GRM1: variants seen among roughly 807,000 people sequenced by gnomAD.
GRM1 encodes glutamate metabotropic receptor 1, also known as metabotropic glutamate receptor 1.
GRM1 carries 33 observed loss-of-function variants against 90.9 expected under a neutral mutation model. The ratio of observed to expected loss-of-function variants is 0.36; its 90% confidence interval spans 0.28 to 0.49. The LOEUF (loss-of-function observed/expected upper bound fraction) is 0.49, where lower values mean the gene tolerates loss of function less well. GRM1 is among the 20% of genes least tolerant of loss of function. GRM1 has a pLI of 0.99. For missense variants in GRM1, 1,190 were observed against 1,534.3 expected, an observed-to-expected ratio of 0.78 and a Z score of 3.75; for synonymous variants, 700 against 613.2, an observed-to-expected ratio of 1.14 and a Z score of -2.09.
At chr6:146,328,969 C>T (rs189259335) in intron 3 of GRM1, among the ~76,000 whole-genome samples, 256 of 152,308 alleles carry the variant, frequency 1.7e-3, no homozygotes, top group Non-Finnish European at 2.4e-3. Context: ...GGCAGCCTGA[C>T]CTGTCCATCT....
chr6:146,293,519 AT>A (rs915255503), intron 2 of GRM1, among the ~76,000 whole-genome samples: 6 of 151,946 alleles, frequency 3.9e-5, no homozygotes, highest in Non-Finnish European at 8.8e-5. Flanking sequence ...GACTTTATAT[AT>A]TTTTTACAAC....
At chr6:146,216,017 A>G (rs2114661386) in intron 2 of GRM1, among the ~76,000 whole-genome samples, 1 of 152,328 alleles carries the variant, frequency 6.6e-6, no homozygotes, top group Non-Finnish European at 1.5e-5. Flanking sequence ...TCAACCTCCC[A>G]AAGTGCTGGG....
chr6:146,244,145 CA>C (rs1193631847), intron 2 of GRM1, among the ~76,000 whole-genome samples: 4 of 152,016 alleles, frequency 2.6e-5, no homozygotes, highest in Admixed American at 2.6e-4. Context: ...GCAGTTAACA[CA>C]ATCATCACAG....
intron 3 of GRM1, among the ~76,000 whole-genome samples, chr6:146,308,237 C>T (rs1016149438): frequency 2.2e-4 from 33 of 152,220 alleles, no homozygotes; most frequent in African/African-American, 7.7e-4. Flanking sequence ...ATGTATCAGC[C>T]GCACGACTTG....
At chr6:146,242,659 A>G (rs974039768) in intron 2 of GRM1, among the ~76,000 whole-genome samples, 21 of 152,048 alleles carry the variant, frequency 1.4e-4, no homozygotes, top group African/African-American at 5.1e-4. Flanking sequence ...TTCTCTATTC[A>G]TTACCTGAGA....
chr6:146,287,402 G>A (rs749042989), intron 2 of GRM1, among the ~76,000 whole-genome samples: 4 of 152,076 alleles, frequency 2.6e-5, no homozygotes, highest in African/African-American at 7.2e-5. Context: ...ATTTAGGAGG[G>A]TCTTAAGGTA....
intron 3 of GRM1, among the ~76,000 whole-genome samples, chr6:146,345,932 G>A (rs998520176): frequency 2.6e-5 from 4 of 152,138 alleles, no homozygotes; most frequent in African/African-American, 2.4e-5. Flanking sequence ...TAGTTACTTC[G>A]GGGGAGTGGT....
At chr6:146,315,073 C>T (rs1406123949) in intron 3 of GRM1, among the ~76,000 whole-genome samples, 1 of 152,086 alleles carries the variant, frequency 6.6e-6, no homozygotes, top group Non-Finnish European at 1.5e-5. Context: ...CAGTAATGCA[C>T]TGGGGAGTTA....
At chr6:146,386,754 G>A (rs1422494486) in intron 5 of GRM1, 136 bp from the exon 6 acceptor site, 2 of 677,862 alleles carry the variant, frequency 3.0e-6, no homozygotes, top group Admixed American at 2.4e-5. Context: ...ACATTCTTAA[G>A]ATTCCTCAGC....
intron 1 of GRM1, among the ~76,000 whole-genome samples, chr6:146,115,687 A>G (rs1299112501): frequency 6.6e-6 from 1 of 152,054 alleles, no homozygotes; most frequent in Non-Finnish European, 1.5e-5. Flanking sequence ...CAAATTTGCT[A>G]CTCCAATTGT....
chr6:146,132,328 G>C (rs552166987), intron 1 of GRM1, among the ~76,000 whole-genome samples: 13 of 152,218 alleles, frequency 8.5e-5, no homozygotes, highest in Admixed American at 5.9e-4. Flanking sequence ...GTCAAGGAGC[G>C]AGCCAATGAA....
rs561420082 is a variant in GRM1, at chr6:146,124,491, A to G, written c.701-34857A>G. ...TATCCTTTTAGAGACAATGATCACT[A>G]CAATACATTAATAAATGTGTATATG... is the stretch of plus-strand genomic sequence containing the variant. On this transcript the variant is annotated intron_variant, in intron 1 of 7. Coordinates refer to ENST00000282753, the MANE Select transcript of GRM1 (RefSeq NM_001278064.2). Among the ~76,000 whole-genome samples the G allele has an allele frequency of 8.5e-5, 13 of 152,272 alleles. No individual in the cohort carries two copies. In the East Asian group the frequency reaches 2.5e-3, roughly 29 times the overall value.
chr6:146,084,438 C>A (rs938871254), intron 1 of GRM1, among the ~76,000 whole-genome samples: 1 of 151,968 alleles, frequency 6.6e-6, no homozygotes. Flanking sequence ...TATGTTGTGT[C>A]TTCGTTCTCG....
At chr6:146,033,888 T>C (rs749654891) in intron 1 of GRM1, among the ~76,000 whole-genome samples, 3 of 152,118 alleles carry the variant, frequency 2.0e-5, no homozygotes, top group Non-Finnish European at 4.4e-5. Context: ...GTAATAATTT[T>C]ATATCTACTA....
At chr6:146,277,397 C>T (rs984054468) in intron 2 of GRM1, among the ~76,000 whole-genome samples, 17 of 152,092 alleles carry the variant, frequency 1.1e-4, no homozygotes, top group African/African-American at 2.9e-4. Context: ...CACCCAGCAC[C>T]GGTTAGATCA....
intron 7 of GRM1, among the ~76,000 whole-genome samples, chr6:146,424,458 C>G (rs114212836): frequency 0.036 from 5,448 of 152,320 alleles, 337 homozygotes; most frequent in African/African-American, 0.12. Context: ...TCCAGAAAGG[C>G]AGGGAGGCTG....
At chr6:146,043,534 T>A (rs941321492) in intron 1 of GRM1, among the ~76,000 whole-genome samples, 2 of 151,770 alleles carry the variant, frequency 1.3e-5, no homozygotes, top group Non-Finnish European at 2.9e-5. Context: ...TAGATTTAAA[T>A]GTTATGATAG....
chr6:146,170,703 G>A (rs1778087266), intron 2 of GRM1, among the ~76,000 whole-genome samples: 1 of 151,436 alleles, frequency 6.6e-6, no homozygotes, highest in Non-Finnish European at 1.5e-5. Context: ...TTTAAGCATA[G>A]TTTCCTTAGT....
intron 1 of GRM1, among the ~76,000 whole-genome samples, chr6:146,131,757 A>G (rs1244224114): frequency 6.6e-6 from 1 of 152,206 alleles, no homozygotes; most frequent in Non-Finnish European, 1.5e-5. Context: ...TATCTTTAGA[A>G]AGTGCACACA....
Sources: gnomAD v4.1 joint callset for allele counts (sites outside exome capture counted in the v4.1 genomes callset) on GRCh38, gnomAD v4.1.1 for gene constraint, MANE v1.5 for transcripts, NCBI Gene and HGNC (gene_info 2026-07-23, HGNC 2026-07-21) for gene names.